The following SPACA6 variants were observed in gnomAD, a reference collection of about 807,000 sequenced individuals.
SPACA6 encodes sperm acrosome associated 6.
For synonymous variants in SPACA6, 6 were observed against 1.5 expected (o/e 4.05, Z -2.21); for missense variants, 8 against 2.8 (o/e 2.88, Z -1.34).
chr19:51,708,567 C>T (rs1001345159), downstream of SPACA6, among the ~76,000 whole-genome samples: 5 of 152,146 alleles, frequency 3.3e-5, no homozygotes, highest in African/African-American at 7.2e-5. Flanking sequence ...TGACTCATGC[C>T]TGTAATCCCA....
At chr19:51,699,831 C>A (rs553102601) in intron 2 of SPACA6, among the ~76,000 whole-genome samples, 3 of 152,234 alleles carry the variant, frequency 2.0e-5, no homozygotes, top group Admixed American at 1.3e-4. Flanking sequence ...GGGTGGGCGG[C>A]ACGATTTAGC....
intron 1 of SPACA6, chr19:51,693,998 CAG>C (rs538682105): frequency 1.9e-5 from 6 of 317,756 alleles, no homozygotes; most frequent in Admixed American, 5.2e-5. Flanking sequence ...GATGGAGACT[CAG>C]AGAGAGAGGA....
At chr19:51,699,400 A>T (rs2083453017) in intron 2 of SPACA6, among the ~76,000 whole-genome samples, 1 of 152,138 alleles carries the variant, frequency 6.6e-6, no homozygotes, top group Admixed American at 6.6e-5. Flanking sequence ...AGGCTGGGAG[A>T]TGAAGCTTTT....
intron 2 of SPACA6, among the ~76,000 whole-genome samples, chr19:51,696,551 G>A (rs1361023200): frequency 1.3e-5 from 2 of 152,070 alleles, no homozygotes; most frequent in South Asian, 2.1e-4. Context: ...GGGCTCAAGC[G>A]ATCTTCCTGC....
At chr19:51,692,568 G>A (rs376003764), upstream of SPACA6, 14 of 508,238 alleles carry the variant, frequency 2.8e-5, no homozygotes, top group African/African-American at 2.8e-4. This position sits in a 1 kb window ranked among gnomAD's most constrained non-coding sequence, Gnocchi z 5.6. Flanking sequence ...GGACTCCTGG[G>A]TTCCTTGGGG....
chr19:51,711,127 G>A (rs1176718276), intron 2 of SPACA6, among the ~76,000 whole-genome samples: 1 of 152,188 alleles, frequency 6.6e-6, no homozygotes, highest in African/African-American at 2.4e-5. Context: ...TCAAGGAAGA[G>A]TGATCAACTG....
intron 3 of SPACA6, 118 bp from the exon 4 acceptor site, chr19:51,702,511 A>C (rs981937890): frequency 2.5e-6 from 1 of 393,490 alleles, no homozygotes; most frequent in Non-Finnish European, 4.5e-6. Flanking sequence ...GTTATGACGA[A>C]AGCTTGGCCC....
At chr19:51,697,280 G>A (rs1430579486) in intron 2 of SPACA6, among the ~76,000 whole-genome samples, 1 of 152,134 alleles carries the variant, frequency 6.6e-6, no homozygotes, top group African/African-American at 2.4e-5. Context: ...CAGCTGTATG[G>A]GGCCTGGACA....
chr19:51,692,733 G>A, upstream of SPACA6: 1 of 534,260 alleles, frequency 1.9e-6, no homozygotes, highest in Non-Finnish European at 3.8e-6. This position sits in a 1 kb window ranked among gnomAD's most constrained non-coding sequence, Gnocchi z 5.6. Context: ...CTCATCCCTG[G>A]TCCTCCTGGT....
downstream of SPACA6, among the ~76,000 whole-genome samples, chr19:51,710,086 AAAAAAT>A (rs1381044796): frequency 6.6e-6 from 1 of 152,222 alleles, no homozygotes; most frequent in Non-Finnish European, 1.5e-5. Context: ...AGGGTGTCAA[AAAAAAT>A]AAAAATAAGA....
At chr19:51,700,697 A>G (rs2083462206) in intron 2 of SPACA6, among the ~76,000 whole-genome samples, 1 of 152,182 alleles carries the variant, frequency 6.6e-6, no homozygotes, top group African/African-American at 2.4e-5. Flanking sequence ...ACAGAAGAAC[A>G]TGTTTATTTA....
At chr19:51,710,724 C>G (rs549321909) in intron 2 of SPACA6, among the ~76,000 whole-genome samples, 1 of 152,062 alleles carries the variant, frequency 6.6e-6, no homozygotes, top group Non-Finnish European at 1.5e-5. Flanking sequence ...GGGTAAGAGA[C>G]GAGGATGAGA....
chr19:51,700,419 C>T (rs189623273), intron 2 of SPACA6, among the ~76,000 whole-genome samples: 200 of 152,284 alleles, frequency 1.3e-3, no homozygotes, highest in South Asian at 0.01. Flanking sequence ...TATGGAAATG[C>T]GATCTCTGTG....
At chr19:51,696,989 A>G (rs2083435318) in intron 2 of SPACA6, among the ~76,000 whole-genome samples, 1 of 152,140 alleles carries the variant, frequency 6.6e-6, no homozygotes. Context: ...GGGGGTTCTC[A>G]AGCCCCAGCA....
At chr19:51,687,205 T>G (rs1705377119), upstream of SPACA6, 1 of 152,030 alleles carries the variant, frequency 6.6e-6, no homozygotes, top group Non-Finnish European at 1.5e-5. Context: ...GAGGTTGCAG[T>G]GATCTGAGAT....
chr19:51,701,994 C>A (rs904407304), intron 3 of SPACA6, among the ~76,000 whole-genome samples: 1 of 152,110 alleles, frequency 6.6e-6, no homozygotes, highest in African/African-American at 2.4e-5. Context: ...ATTGCTTGAA[C>A]CCTGGAGGCG....
the SPACA6 span, among the ~76,000 whole-genome samples, chr19:51,682,920 G>C: frequency 6.6e-6 from 1 of 152,160 alleles, no homozygotes; most frequent in Non-Finnish European, 1.5e-5. Context: ...GCAGGTGACT[G>C]TAGTCCCAGC....
At chr19:51,707,055 T>A (rs1445462318), downstream of SPACA6, among the ~76,000 whole-genome samples, 1 of 152,234 alleles carries the variant, frequency 6.6e-6, no homozygotes, top group Non-Finnish European at 1.5e-5. Context: ...TCTATTTCCC[T>A]TTATTGATTT....
chr19:51,684,644 C>T (rs902608742), upstream of SPACA6, among the ~76,000 whole-genome samples: 5 of 152,098 alleles, frequency 3.3e-5, no homozygotes, highest in Non-Finnish European at 7.4e-5. Flanking sequence ...CTTCCCTGGG[C>T]CAAACTGGAA....
Sources: allele counts gnomAD v4.1 joint callset (sites outside exome capture counted in the v4.1 genomes callset), GRCh38; gene constraint gnomAD v4.1.1; non-coding constraint Gnocchi (gnomAD v3.1); transcripts MANE v1.5; gene names NCBI Gene and HGNC (gene_info 2026-07-23, HGNC 2026-07-21).